Variants in CALD1 observed in about 807,000 individuals in gnomAD.
CALD1 encodes caldesmon 1.
CALD1 carries 33 observed loss-of-function variants against 99.9 expected under a neutral mutation model. The observed-to-expected ratio is 0.33, with a 90% CI of 0.25 to 0.44. The LOEUF is 0.44. Among genes scored for constraint, CALD1 ranks in the 20% least tolerant of loss-of-function variants. The pLI is 1.00. For synonymous variants in CALD1, 310 were observed against 325.0 expected (o/e 0.95, Z 0.50); for missense variants, 861 against 962.1 (o/e 0.89, Z 1.39).
At chr7:134,965,909 T>G (rs1808648722) in intron 14 of CALD1, among the ~76,000 whole-genome samples, 1 of 151,962 alleles carries the variant, frequency 6.6e-6, no homozygotes. Flanking sequence ...TTAAGAATGA[T>G]TGGGTTCCTC....
At chr7:134,721,193 G>A in the CALD1 span, among the ~76,000 whole-genome samples, 145 of 152,282 alleles carry the variant, frequency 9.5e-4, no homozygotes, top group African/African-American at 3.4e-3. Context: ...AGAGAAGAAT[G>A]TTCCCCTTAG....
At chr7:134,866,666 T>C (rs1800813543) in intron 2 of CALD1, among the ~76,000 whole-genome samples, 1 of 152,178 alleles carries the variant, frequency 6.6e-6, no homozygotes, top group African/African-American at 2.4e-5. Context: ...GCTCCTTATT[T>C]TTTCACACAG....
At chr7:134,889,608 A>G (rs1449288515) in intron 3 of CALD1, among the ~76,000 whole-genome samples, 1 of 152,184 alleles carries the variant, frequency 6.6e-6, no homozygotes, top group African/African-American at 2.4e-5. Context: ...GAAAAAATTA[A>G]TTGGGCAAAA....
chr7:134,770,037 T>TAACCAA (rs1796864447), intron 1 of CALD1, among the ~76,000 whole-genome samples: 1 of 152,226 alleles, frequency 6.6e-6, no homozygotes, highest in Admixed American at 6.5e-5. Context: ...CAGAAATTTT[T>TAACCAA]ATTTCTTGAT....
chr7:134,832,782 T>C (rs1799282562), intron 1 of CALD1, among the ~76,000 whole-genome samples: 1 of 152,372 alleles, frequency 6.6e-6, no homozygotes, highest in Non-Finnish European at 1.5e-5. Context: ...TTTTCCTTTT[T>C]TTGGTTTCTT....
chr7:134,814,420 G>A (rs150814740), intron 1 of CALD1, among the ~76,000 whole-genome samples: 1 of 152,154 alleles, frequency 6.6e-6, no homozygotes, highest in Non-Finnish European at 1.5e-5. Flanking sequence ...AGTCCTGGGG[G>A]TCTTGCAGAA....
At chr7:134,779,006 G>A (rs904540921), upstream of CALD1, among the ~76,000 whole-genome samples, 1 of 152,164 alleles carries the variant, frequency 6.6e-6, no homozygotes, top group African/African-American at 2.4e-5. Flanking sequence ...GACGTATTTT[G>A]GGGAGGTGTG....
chr7:134,829,568 A>C (rs1437114438), intron 1 of CALD1, among the ~76,000 whole-genome samples: 2 of 152,152 alleles, frequency 1.3e-5, no homozygotes, highest in African/African-American at 4.8e-5. Flanking sequence ...ATTGAAAGCA[A>C]GCTTGTGTGA....
chr7:134,879,745 T>G lies in CALD1; in HGVS notation c.71+11941T>G, dbSNP rs191211776. Among the ~76,000 whole-genome samples the G allele has an allele frequency of 2.6e-5, 4 of 152,344 alleles. No individual in the cohort carries two copies. The East Asian group carries it at 7.7e-4, about 29-fold the overall frequency. Reference sequence around the variant, plus strand: ...ACATTTTTCAAAATTAAATTTCTTTTAAGGTATTTTATAATTTTTACTGGG... The same window carrying G: ...ACATTTTTCAAAATTAAATTTCTTTGAAGGTATTTTATAATTTTTACTGGG... On this transcript the variant is annotated intron_variant, in intron 3 of 14. Coordinates refer to ENST00000361675, the MANE Select transcript of CALD1 (RefSeq NM_033138.4).
At chr7:134,855,321 G>A (rs1027736827) in intron 2 of CALD1, among the ~76,000 whole-genome samples, 1 of 152,154 alleles carries the variant, frequency 6.6e-6, no homozygotes, top group Admixed American at 6.5e-5. Flanking sequence ...CACTTGAGGG[G>A]TACGAAGGTG....
At chr7:134,961,287 G>A (rs976533670) in intron 13 of CALD1, 8 of 152,126 alleles carry the variant, frequency 5.3e-5, no homozygotes, top group Non-Finnish European at 1.0e-4. Flanking sequence ...GAATGTATAC[G>A]ACAATTGCTT....
chr7:134,880,153 T>G (rs1801529783), intron 3 of CALD1, among the ~76,000 whole-genome samples: 2 of 152,234 alleles, frequency 1.3e-5, no homozygotes, highest in Non-Finnish European at 2.9e-5. Flanking sequence ...TATGTGCTTT[T>G]TATTTTTCTA....
chr7:134,963,011 T>C (rs1263067390), intron 13 of CALD1: 2 of 435,598 alleles, frequency 4.6e-6, no homozygotes, highest in African/African-American at 2.0e-5. Context: ...TTAAAAGGAC[T>C]CTTTAAACTC....
At chr7:134,810,037 T>A (rs1798296302) in intron 1 of CALD1, among the ~76,000 whole-genome samples, 1 of 152,178 alleles carries the variant, frequency 6.6e-6, no homozygotes, top group Non-Finnish European at 1.5e-5. Flanking sequence ...AATAGTAAGG[T>A]CACCAAAACA....
intron 1 of CALD1, among the ~76,000 whole-genome samples, chr7:134,785,244 G>C (rs1039533184): frequency 3.9e-5 from 6 of 152,140 alleles, no homozygotes; most frequent in Admixed American, 3.3e-4. Flanking sequence ...CAGTGTTAAG[G>C]GAGATTAATC....
chr7:134,949,728 G>A (rs1807184904), intron 8 of CALD1, among the ~76,000 whole-genome samples: 1 of 152,112 alleles, frequency 6.6e-6, no homozygotes, highest in Non-Finnish European at 1.5e-5. Flanking sequence ...GAAGTGTGAG[G>A]TCATTGTTAA....
chr7:134,918,774 T>C (rs1385507289), intron 3 of CALD1, among the ~76,000 whole-genome samples: 1 of 152,188 alleles, frequency 6.6e-6, no homozygotes, highest in South Asian at 2.1e-4. Context: ...GGCAGGCAGA[T>C]TGCTTGAGCT....
chr7:134,827,028 A>T (rs1320407640), intron 1 of CALD1, among the ~76,000 whole-genome samples: 2 of 152,220 alleles, frequency 1.3e-5, no homozygotes, highest in Admixed American at 1.3e-4. Flanking sequence ...TTAATTTGAG[A>T]AAAAAATTAA....
intron 1 of CALD1, among the ~76,000 whole-genome samples, chr7:134,816,426 C>G (rs561648714): frequency 6.6e-6 from 1 of 152,106 alleles, no homozygotes; most frequent in East Asian, 1.9e-4. Flanking sequence ...GGAAAAGGTG[C>G]GAATTTGACT....
Sources: allele counts gnomAD v4.1 joint callset (sites outside exome capture counted in the v4.1 genomes callset), GRCh38; gene constraint gnomAD v4.1.1; transcripts MANE v1.5; gene names NCBI Gene and HGNC (gene_info 2026-07-23, HGNC 2026-07-21).